The following CPEB1 variants were observed in gnomAD, a reference collection of about 807,000 sequenced individuals.
The protein encoded by CPEB1 is cytoplasmic polyadenylation element-binding protein 1.
A neutral mutation model predicts 65.8 loss-of-function variants in CPEB1; 7 were observed. The observed-to-expected ratio is 0.11, with a 90% CI of 0.06 to 0.20. The LOEUF is 0.20. Ranked by LOEUF, CPEB1 falls within the 10% of genes least tolerant of loss-of-function variation. The pLI, the probability that CPEB1 is intolerant of heterozygous loss-of-function variation, is 1.00. For synonymous variants in CPEB1, 262 were observed against 260.0 expected (o/e 1.01, Z -0.08); for missense variants, 551 against 712.2 (o/e 0.77, Z 2.58).
intron 4 of CPEB1, among the ~76,000 whole-genome samples, chr15:82,569,265 G>C (rs2039649106): frequency 6.6e-6 from 1 of 152,214 alleles, no homozygotes; most frequent in Non-Finnish European, 1.5e-5. Context: ...AAGGCCCAGA[G>C]CCCAGGGAAA....
intron 6 of CPEB1, among the ~76,000 whole-genome samples, chr15:82,554,380 G>A (rs1246505066): frequency 6.6e-6 from 1 of 152,200 alleles, no homozygotes; most frequent in African/African-American, 2.4e-5. Context: ...ACATCTTGCA[G>A]GCTTACTGGT....
intron 3 of CPEB1, among the ~76,000 whole-genome samples, chr15:82,622,301 T>C (rs2045369860): frequency 1.3e-5 from 2 of 152,106 alleles, no homozygotes. Context: ...GGTGGGGTAC[T>C]AGCCCAAAAG....
Position 82,579,881 on chromosome 15 carries a change from T to C in CPEB1, c.272-8349A>G, listed in dbSNP as rs553915138. ...GAGCCGACATTGCGCCACTGCAGTC[T>C]GCAGTCCGGCCTGGGCGACAGAGTG... On this transcript the variant is annotated intron_variant, in intron 3 of 12. Transcript: ENST00000684509. Among the ~76,000 whole-genome samples the C allele has an allele frequency of 3.4e-4, 39 of 114,960 alleles. No homozygotes were observed. In the East Asian group the frequency reaches 0.011, roughly 34 times the overall value. The allele number at this position is 114,960 out of a possible 152,430, so 75.4% of individuals were successfully genotyped here.
chr15:82,607,262 C>A (rs1350412564), intron 3 of CPEB1, among the ~76,000 whole-genome samples: 1 of 152,082 alleles, frequency 6.6e-6, no homozygotes, highest in Non-Finnish European at 1.5e-5. Flanking sequence ...CAAATATATA[C>A]TGCACAACAG....
rs548978034 is a variant in CPEB1 at position 82,571,850 on chromosome 15, T to C, written c.272-318A>G. The C allele has an allele frequency of 5.4e-6, 6 of 1,105,976 alleles. 1 individual carries two copies. In the South Asian group the frequency reaches 1.8e-4, roughly 33 times the overall value. The allele number at this position is 1,105,976 out of a possible 1,614,324, so 68.5% of individuals were successfully genotyped here. The stretch of plus-strand genomic sequence containing the variant: ...AGCCGTGCAATAGAGAGCGGCATCA[T>C]CCCTCACAGAACGGGGGAGGAGCAG... On this transcript the variant is annotated intron_variant, in intron 3 of 12. Transcript: ENST00000684509.
At chr15:82,568,015 T>C (rs2039430378) in intron 4 of CPEB1, among the ~76,000 whole-genome samples, 1 of 152,172 alleles carries the variant, frequency 6.6e-6, no homozygotes, top group African/African-American at 2.4e-5. Flanking sequence ...TCTAGCTGAA[T>C]AGCCCCTATA....
At chr15:82,560,365 C>A (rs945956127) in intron 4 of CPEB1, among the ~76,000 whole-genome samples, 151,776 of 151,776 alleles carry the variant, frequency 1, 75,888 homozygotes, top group Non-Finnish European at 1. Flanking sequence ...GAACTCTGAC[C>A]ACTAGGTTAA....
chr15:82,609,373 C>T (rs555967260), intron 3 of CPEB1, among the ~76,000 whole-genome samples: 15 of 151,902 alleles, frequency 9.9e-5, no homozygotes, highest in Admixed American at 7.9e-4. Context: ...TGGTGGTGCA[C>T]AACTGTAGTC....
At chr15:82,600,214 A>G in intron 3 of CPEB1, among the ~76,000 whole-genome samples, 1 of 152,340 alleles carries the variant, frequency 6.6e-6, no homozygotes, top group East Asian at 1.9e-4. Context: ...AGAGTGACCG[A>G]CTTTTGAAAA....
intron 3 of CPEB1, among the ~76,000 whole-genome samples, chr15:82,613,940 G>A (rs1004821183): frequency 1.3e-5 from 2 of 149,022 alleles, no homozygotes; most frequent in Non-Finnish European, 1.5e-5. Context: ...AGGCTCCCAG[G>A]ATCCTCTTCA....
intron 1 of CPEB1, among the ~76,000 whole-genome samples, chr15:82,634,006 G>A (rs898426607): frequency 2.6e-5 from 4 of 151,100 alleles, no homozygotes; most frequent in Admixed American, 2.0e-4. Context: ...TGCAGACTTC[G>A]TAGTAGTCAG....
At chr15:82,609,141 A>C (rs1439196720) in intron 3 of CPEB1, among the ~76,000 whole-genome samples, 8 of 152,362 alleles carry the variant, frequency 5.3e-5, no homozygotes, top group Non-Finnish European at 1.0e-4. Context: ...TGAGATAAAG[A>C]AACACACCAT....
intron 3 of CPEB1, among the ~76,000 whole-genome samples, chr15:82,577,763 T>A (rs2040820542): frequency 1.3e-5 from 2 of 152,048 alleles, no homozygotes; most frequent in South Asian, 4.1e-4. Flanking sequence ...GCTCAAGTGA[T>A]CTGCCTGCCC....
intron 3 of CPEB1, among the ~76,000 whole-genome samples, chr15:82,600,827 A>T (rs2043038937): frequency 6.6e-6 from 1 of 151,632 alleles, no homozygotes; most frequent in African/African-American, 2.4e-5. Flanking sequence ...GGGTTTGGAC[A>T]GGGGGAGGTT....
intron 3 of CPEB1, among the ~76,000 whole-genome samples, chr15:82,605,360 T>TC (rs1348730355): frequency 6.6e-6 from 1 of 152,154 alleles, no homozygotes; most frequent in Non-Finnish European, 1.5e-5. Flanking sequence ...GTCTTTTTTT[T>TC]CTCCTATCAG....
intron 3 of CPEB1, among the ~76,000 whole-genome samples, chr15:82,618,132 G>A (rs1416817034): frequency 3.3e-5 from 5 of 151,440 alleles, no homozygotes; most frequent in African/African-American, 9.7e-5. Flanking sequence ...TCTTATGGTA[G>A]GTAAACATTT....
chr15:82,644,239 T>A lies in CPEB1; in HGVS notation c.-98+2898A>T, dbSNP rs587713752. Among the ~76,000 whole-genome samples the A allele has an allele frequency of 1.1e-4, 16 of 152,272 alleles. No homozygotes were observed. The East Asian group carries it at 3.1e-3, about 29-fold the overall frequency. On this transcript the variant is annotated intron_variant, in intron 1 of 12. Coordinates refer to ENST00000684509, the MANE Select transcript of CPEB1 (RefSeq NM_001365242.1). ...GGATTCCTGCCAATGCAGTTAAGGT[T>A]CACTTTGCCTATAAATGTGACCAGC...
intron 1 of CPEB1, chr15:82,641,603 C>G (rs770564575): frequency 6.6e-6 from 1 of 152,168 alleles, no homozygotes; most frequent in South Asian, 2.1e-4. Context: ...AACCAAGACC[C>G]GTTTTTAGCA....
rs79836804 is a variant in CPEB1, at chr15:82,566,151, T to C, written c.460+5193A>G. 4.9e-4 allele frequency among the ~76,000 whole-genome samples: 74 copies of C among 152,322 alleles called. No individual in the cohort carries two copies. The East Asian group carries it at 0.012, about 24-fold the overall frequency. ...GAGTACAAAGGCACCTGGAGTGTGATGGCAGCATTAGCAATGGCAACAAGA... is the reference window on the plus strand; with the variant it reads ...GAGTACAAAGGCACCTGGAGTGTGACGGCAGCATTAGCAATGGCAACAAGA... On this transcript the variant is annotated intron_variant, in intron 4 of 12. Transcript: ENST00000684509.
Sources: gnomAD v4.1 joint callset for allele counts (sites outside exome capture counted in the v4.1 genomes callset) on GRCh38, gnomAD v4.1.1 for gene constraint, MANE v1.5 for transcripts, NCBI Gene and HGNC (gene_info 2026-07-23, HGNC 2026-07-21) for gene names.